The following AFG2A variants were observed in gnomAD, a reference collection of about 807,000 sequenced individuals.
AFG2A encodes the protein ATPase family gene 2 protein homolog A.
At chr4:123,297,789 C>T in the AFG2A span, among the ~76,000 whole-genome samples, 2 of 151,896 alleles carry the variant, frequency 1.3e-5, no homozygotes, top group Admixed American at 1.3e-4. Flanking sequence ...ACGCTGAACA[C>T]CGTTTTTTGG....
chr4:123,107,629 C>T, the AFG2A span, among the ~76,000 whole-genome samples: 5 of 152,314 alleles, frequency 3.3e-5, no homozygotes, highest in African/African-American at 1.2e-4. Context: ...GGGACCCACC[C>T]CTTTGCACCC....
At chr4:122,931,089 A>T in the AFG2A span, among the ~76,000 whole-genome samples, 2 of 151,262 alleles carry the variant, frequency 1.3e-5, no homozygotes, top group Non-Finnish European at 2.9e-5. Flanking sequence ...AGTGGAAATT[A>T]TTTTATGTGC....
chr4:122,934,496 A>G, the AFG2A span: 1 of 1,614,260 alleles, frequency 6.2e-7, no homozygotes, highest in South Asian at 1.1e-5. Context: ...GGAAATGAGC[A>G]ACTTACTGAA....
the AFG2A span, among the ~76,000 whole-genome samples, chr4:123,145,125 TTG>T: frequency 6.6e-6 from 1 of 152,088 alleles, no homozygotes; most frequent in Non-Finnish European, 1.5e-5. Flanking sequence ...AGGCTGTGCC[TTG>T]CATAGAGTTA....
At chr4:123,152,376 C>A in the AFG2A span, among the ~76,000 whole-genome samples, 1 of 152,174 alleles carries the variant, frequency 6.6e-6, no homozygotes, top group Non-Finnish European at 1.5e-5. Context: ...TGATAAAGGA[C>A]TGTTATCCAA....
the AFG2A span, among the ~76,000 whole-genome samples, chr4:122,944,176 T>A: frequency 1.3e-5 from 2 of 152,216 alleles, no homozygotes; most frequent in African/African-American, 4.8e-5. Flanking sequence ...AATCTGAATG[T>A]TGGCCTGCCT....
the AFG2A span, among the ~76,000 whole-genome samples, chr4:123,279,053 C>G: frequency 6.6e-6 from 1 of 152,112 alleles, no homozygotes; most frequent in African/African-American, 2.4e-5. Flanking sequence ...AGGACCATGT[C>G]AAAGAAATCT....
the AFG2A span, among the ~76,000 whole-genome samples, chr4:122,998,283 T>C: frequency 6.6e-6 from 1 of 152,150 alleles, no homozygotes; most frequent in African/African-American, 2.4e-5. Flanking sequence ...TTTTAACTCT[T>C]ACATTTAGAT....
chr4:123,058,151 G>A, the AFG2A span, among the ~76,000 whole-genome samples: 19 of 152,070 alleles, frequency 1.2e-4, no homozygotes, highest in East Asian at 3.8e-4. Context: ...GTCCATTTTC[G>A]TGCTGCTGAT....
chr4:123,265,196 C>T, the AFG2A span, among the ~76,000 whole-genome samples: 1 of 151,930 alleles, frequency 6.6e-6, no homozygotes, highest in Non-Finnish European at 1.5e-5. Flanking sequence ...ACCCTGAGAT[C>T]TTTGGTTGTT....
At chr4:123,035,671 A>G in the AFG2A span, among the ~76,000 whole-genome samples, 5 of 152,072 alleles carry the variant, frequency 3.3e-5, no homozygotes, top group Non-Finnish European at 7.4e-5. Flanking sequence ...TGTTAAGACT[A>G]TATATATGTT....
the AFG2A span, among the ~76,000 whole-genome samples, chr4:123,257,131 T>C: frequency 6.6e-6 from 1 of 152,186 alleles, no homozygotes; most frequent in African/African-American, 2.4e-5. Context: ...TTAGTGGTAC[T>C]CCGAGAGTCT....
chr4:122,979,902 A>G, the AFG2A span, among the ~76,000 whole-genome samples: 13 of 152,206 alleles, frequency 8.5e-5, no homozygotes, highest in African/African-American at 3.1e-4. Context: ...TGTCTCAAAA[A>G]CAAAAAACAA....
chr4:123,269,864 TG>T, the AFG2A span, among the ~76,000 whole-genome samples: 1 of 152,244 alleles, frequency 6.6e-6, no homozygotes, highest in Non-Finnish European at 1.5e-5. Context: ...GTCGCCAAGC[TG>T]GAGTGCAGTG....
chr4:122,943,821 G>C, the AFG2A span, among the ~76,000 whole-genome samples: 1 of 152,072 alleles, frequency 6.6e-6, no homozygotes, highest in African/African-American at 2.4e-5. Context: ...GCTCTTTTAG[G>C]GCAGGCCTGG....
At chr4:123,172,570 A>C in the AFG2A span, among the ~76,000 whole-genome samples, 1 of 152,184 alleles carries the variant, frequency 6.6e-6, no homozygotes, top group African/African-American at 2.4e-5. Flanking sequence ...AGACCATCAA[A>C]ATGAAATGAT....
the AFG2A span, among the ~76,000 whole-genome samples, chr4:122,941,393 C>A: frequency 6.6e-6 from 1 of 151,950 alleles, no homozygotes; most frequent in Non-Finnish European, 1.5e-5. Context: ...CTCTTTGAAG[C>A]AATTGTGAAT....
At chr4:123,315,900 TC>T in the AFG2A span, 2 of 152,224 alleles carry the variant, frequency 1.3e-5, no homozygotes, top group African/African-American at 4.8e-5. Context: ...TGACTCAGCC[TC>T]CTGAGTAGCT....
At chr4:122,937,924 GATAGA>G in the AFG2A span, among the ~76,000 whole-genome samples, 2 of 152,146 alleles carry the variant, frequency 1.3e-5, no homozygotes, top group Non-Finnish European at 2.9e-5. Flanking sequence ...ATGGAGGGCA[GATAGA>G]ATAGAATATG....
Sources: gnomAD v4.1 joint callset for allele counts (sites outside exome capture counted in the v4.1 genomes callset) on GRCh38, gnomAD v4.1.1 for gene constraint, MANE v1.5 for transcripts, NCBI Gene and HGNC (gene_info 2026-07-23, HGNC 2026-07-21) for gene names.